UNC80: variants seen among roughly 807,000 people sequenced by gnomAD.
UNC80 encodes protein unc-80 homolog.
In UNC80, 164 loss-of-function variants were observed where a neutral mutation model predicts 384.6. The ratio of observed to expected loss-of-function variants is 0.43; its 90% CI spans 0.38 to 0.49. The LOEUF is 0.49. Among genes scored for constraint, UNC80 ranks in the 20% least tolerant of loss-of-function variants. UNC80 has a pLI of 0.00. For missense variants in UNC80, 3,330 were observed against 4,143.0 expected, an observed-to-expected ratio of 0.80 and a Z score of 5.39; for synonymous variants, 1,486 against 1,527.8, an observed-to-expected ratio of 0.97 and a Z score of 0.64.
At chr2:209,851,399 A>C (rs939049202) in intron 22 of UNC80, among the ~76,000 whole-genome samples, 1 of 152,138 alleles carries the variant, frequency 6.6e-6, no homozygotes, top group African/African-American at 2.4e-5. Context: ...TTTGGACTGT[A>C]TATAATCGGG....
At chr2:209,995,236 T>G (rs2093464366) in intron 64 of UNC80, 93 bp from the exon 65 acceptor site, 2 of 1,467,192 alleles carry the variant, frequency 1.4e-6, no homozygotes, top group Admixed American at 2.2e-5. Flanking sequence ...ATCTGATTCC[T>G]TTTCCAATTA....
intron 47 of UNC80, among the ~76,000 whole-genome samples, chr2:209,946,276 A>C (rs1222184545): frequency 6.6e-6 from 1 of 151,922 alleles, no homozygotes; most frequent in Non-Finnish European, 1.5e-5. Context: ...GGCTTGAGGC[A>C]GGAGGATTGC....
intron 29 of UNC80, among the ~76,000 whole-genome samples, chr2:209,912,283 A>C (rs1189347504): frequency 6.6e-6 from 1 of 152,188 alleles, no homozygotes; most frequent in African/African-American, 2.4e-5. Flanking sequence ...TAGCTTTGCA[A>C]CTCAGTCAAG....
Position 209,866,488 on chromosome 2 carries a change from C to CA in UNC80, c.3628-6270_3628-6269insA, listed in dbSNP as rs1559226539. Among the ~76,000 whole-genome samples the CA allele has an allele frequency of 2.5e-4, 27 of 106,706 alleles. 1 individual carries two copies. Among genetic ancestry groups the CA allele is most frequent in the East Asian group, 1.6e-3 (6 of 3,848 alleles). The allele number at this position is 106,706 out of a possible 152,430, so 70.0% of individuals were successfully genotyped here. ...AAACATTCCATAATACAAAATGCAC[C>CA]CCCACACACACACACACACACACAC... is the stretch of plus-strand genomic sequence containing the variant. On this transcript the variant is annotated intron_variant, in intron 22 of 64. Coordinates refer to ENST00000673920, the MANE Select transcript of UNC80 (RefSeq NM_001371986.1).
At chr2:209,950,858 G>T (rs2092143966) in intron 47 of UNC80, among the ~76,000 whole-genome samples, 1 of 145,160 alleles carries the variant, frequency 6.9e-6, no homozygotes, top group Non-Finnish European at 1.5e-5. Context: ...GCACCCAGCT[G>T]GATTTTTTTT....
chr2:209,808,756 G>A lies in UNC80; in HGVS notation c.939-4824G>A, dbSNP rs373760236. ...CAAGGCTCGGCCTAGTGAGTGGGTC[G>A]CCTGCGCTACTTCTGCGCTACTCAG... On this transcript the variant is annotated intron_variant, in intron 7 of 64. Transcript: ENST00000673920. 11 of 241,016 alleles carry A rather than the reference G, an allele frequency of 4.6e-5. No homozygotes were observed. In the East Asian group the frequency reaches 8.7e-4, roughly 19 times the overall value. The allele number at this position is 241,016 out of a possible 1,614,324, so 14.9% of individuals were successfully genotyped here. A position where few individuals can be genotyped will look rare whatever the true frequency, so the allele number is the denominator to read the frequency against.
Position 209,849,478 on chromosome 2 carries a change from C to T in UNC80, c.3482C>T (p.Ser1161Phe). The change falls in exon 22 of 65, where the codon TCT (serine) becomes TTT (phenylalanine). Residue 1161 changes from serine to phenylalanine, a missense_variant. Ser to Phe is a radical substitution (Grantham distance 155). This residue lies in a region of UNC80 where 801 missense variants were observed against 950.8 expected (regional missense o/e 0.84). Transcript: ENST00000673920. ...LGCHSFDDHL[S>F]PNQDGGKSKN... is the part of the protein sequence containing the mutation. ...TGCCACAGTTTTGATGATCATCTCT[C>T]TCCCAACCAAGATGGTGGAAAAAGC... The T allele has an allele frequency of 1.9e-6, 3 of 1,550,986 alleles. No individual in the cohort carries two copies. The highest frequency in any genetic ancestry group is 2.4e-5 in the South Asian group (2 of 84,044).
At chr2:209,892,727 C>T (rs1467464083) in intron 26 of UNC80, among the ~76,000 whole-genome samples, 1 of 152,128 alleles carries the variant, frequency 6.6e-6, no homozygotes, top group Admixed American at 6.5e-5. Context: ...GTAGTCATTA[C>T]AAAATTTTAA....
rs529628176 is a variant in UNC80, at chr2:209,943,322, G to A, written c.6916-58G>A. 4.2e-4 allele frequency: 652 copies of A among 1,539,996 alleles called. 14 individuals are homozygous for A. The South Asian group carries it at 6.9e-3, about 16-fold the overall frequency. ...TCCCATGACCATGAGTTTTAAAAGC[G>A]AGTACAACTTTGATACTTCATTAAG... is the stretch of plus-strand genomic sequence containing the variant. On this transcript the variant is annotated intron_variant, in intron 44 of 64. Coordinates refer to ENST00000673920, the MANE Select transcript of UNC80 (RefSeq NM_001371986.1).
In UNC80 at chr2:209,951,289, CT is replaced by C. The variant is rs943158672; in HGVS notation, c.7287-2802del. The stretch of plus-strand genomic sequence containing the variant: ...ATTGCACATTTGAATTTAACGTGTC[CT>C]TTTTTTTTCTCTCTCTCTCTCTTTT... On this transcript the variant is annotated intron_variant, in intron 47 of 64. Coordinates refer to ENST00000673920, the MANE Select transcript of UNC80 (RefSeq NM_001371986.1). 2.4e-3 allele frequency among the ~76,000 whole-genome samples: 323 copies of C among 133,144 alleles called. 1 individual carries two copies. Among genetic ancestry groups the C allele is most frequent in the African/African-American group, 8.8e-3 (265 of 30,178 alleles). 87.3% of individuals were successfully genotyped at this position (133,144 alleles called of 152,430 possible).
At chr2:209,947,583 T>A (rs2124986123) in intron 47 of UNC80, among the ~76,000 whole-genome samples, 1 of 152,292 alleles carries the variant, frequency 6.6e-6, no homozygotes, top group African/African-American at 2.4e-5. Flanking sequence ...TTCTGTCAGT[T>A]TAAACCAGAT....
chr2:209,843,396 A>G (rs1440801513), intron 21 of UNC80, among the ~76,000 whole-genome samples: 1 of 152,096 alleles, frequency 6.6e-6, no homozygotes, highest in African/African-American at 2.4e-5. Context: ...ATACTTTAAT[A>G]TAGCCATTAT....
At chr2:209,933,801 T>A in intron 38 of UNC80, 21 bp from the exon 39 acceptor site, 1 of 1,521,828 alleles carries the variant, frequency 6.6e-7, no homozygotes, top group East Asian at 2.5e-5. Flanking sequence ...CTTTGTGAAC[T>A]CTTCTTATAC....
chr2:209,856,773 T>C (rs868042382), intron 22 of UNC80, among the ~76,000 whole-genome samples: 2 of 150,976 alleles, frequency 1.3e-5, no homozygotes, highest in African/African-American at 2.4e-5. Flanking sequence ...TATTTATTTA[T>C]TTATTTATTT....
intron 53 of UNC80, among the ~76,000 whole-genome samples, chr2:209,970,631 C>T (rs1274371084): frequency 6.6e-6 from 1 of 152,198 alleles, no homozygotes; most frequent in Non-Finnish European, 1.5e-5. Context: ...TTCTACAAAA[C>T]CTTGGCTGAA....
chr2:209,866,539 G>T (rs1019046087), intron 22 of UNC80, among the ~76,000 whole-genome samples: 2 of 115,618 alleles, frequency 1.7e-5, no homozygotes, highest in South Asian at 2.7e-4. Flanking sequence ...CACACAGAGA[G>T]AGAGAGAGAG....
intron 47 of UNC80, among the ~76,000 whole-genome samples, chr2:209,953,499 A>T (rs1328697425): frequency 1.3e-5 from 2 of 151,358 alleles, no homozygotes; most frequent in Admixed American, 6.6e-5. Context: ...CCCACTTTGC[A>T]TAATAACTAC....
chr2:209,786,571 T>C (rs1468105116), intron 5 of UNC80, among the ~76,000 whole-genome samples: 2 of 152,194 alleles, frequency 1.3e-5, no homozygotes, highest in Non-Finnish European at 2.9e-5. Flanking sequence ...ATCATCATCA[T>C]GGTAAATGGA....
chr2:209,824,728 G>C lies in UNC80; in HGVS notation c.2332-1179G>C, dbSNP rs186135251. On this transcript the variant is annotated intron_variant, in intron 13 of 64. Coordinates refer to ENST00000673920, the MANE Select transcript of UNC80 (RefSeq NM_001371986.1). Reference sequence around the variant, plus strand: ...CAAGAGCTTACAGATAAGAAAAGGGGGACCAACTCGATAACATTAGGGGAG... The same window carrying C: ...CAAGAGCTTACAGATAAGAAAAGGGCGACCAACTCGATAACATTAGGGGAG... Among the ~76,000 whole-genome samples the C allele has an allele frequency of 1.8e-3, 279 of 152,108 alleles. 2 individuals are homozygous for C. Among genetic ancestry groups the C allele is most frequent in the Middle Eastern group, 3.4e-3 (1 of 294 alleles).
Sources: allele counts gnomAD v4.1 joint callset (sites outside exome capture counted in the v4.1 genomes callset), GRCh38; gene constraint gnomAD v4.1.1; regional missense constraint gnomAD v4.1.1; transcripts MANE v1.5; gene names NCBI Gene and HGNC (gene_info 2026-07-23, HGNC 2026-07-21).